The following DLGAP2 variants were observed in gnomAD, a reference collection of about 807,000 sequenced individuals.
The protein encoded by DLGAP2 is disks large-associated protein 2.
DLGAP2 carries 26 observed loss-of-function variants against 100.3 expected under a neutral mutation model. The ratio of observed to expected loss-of-function variants is 0.26; its 90% CI spans 0.19 to 0.36. The LOEUF (loss-of-function observed/expected upper bound fraction) is 0.36, where lower values mean the gene tolerates loss of function less well. Among genes scored for constraint, DLGAP2 ranks in the 10% least tolerant of loss-of-function variants. DLGAP2 has a pLI of 1.00. For synonymous variants in DLGAP2, 886 were observed against 630.1 expected (o/e 1.41, Z -6.08); for missense variants, 1,858 against 1,453.2 (o/e 1.28, Z -4.53).
intron 2 of DLGAP2, among the ~76,000 whole-genome samples, chr8:1,143,278 T>G (rs1004443027): frequency 2.0e-5 from 3 of 152,206 alleles, no homozygotes; most frequent in Non-Finnish European, 4.4e-5. Context: ...AATGACGCAC[T>G]GAAACATAGA....
chr8:767,358 T>C (rs1262223432), intron 1 of DLGAP2, among the ~76,000 whole-genome samples: 2 of 150,232 alleles, frequency 1.3e-5, no homozygotes, highest in African/African-American at 4.9e-5. Flanking sequence ...GTTTTTTTTT[T>C]TTTTTTTTTT....
intron 2 of DLGAP2, among the ~76,000 whole-genome samples, chr8:1,191,213 C>T (rs1394984478): frequency 1.4e-5 from 2 of 144,296 alleles, no homozygotes; most frequent in Non-Finnish European, 3.0e-5. Context: ...ACTCTGTCAC[C>T]CAGGCTGGAG....
At chr8:1,001,598 T>G (rs1436157720) in intron 2 of DLGAP2, among the ~76,000 whole-genome samples, 2 of 152,240 alleles carry the variant, frequency 1.3e-5, no homozygotes, top group African/African-American at 4.8e-5. Context: ...CGAATTGCTC[T>G]TAAGTGCAAA....
chr8:1,203,894 A>G (rs1797935259), intron 2 of DLGAP2, among the ~76,000 whole-genome samples: 1 of 149,866 alleles, frequency 6.7e-6, no homozygotes, highest in Non-Finnish European at 1.5e-5. Context: ...AAGTGCCTGT[A>G]TCAGGACTCA....
chr8:897,117 C>T (rs954465100), intron 1 of DLGAP2, among the ~76,000 whole-genome samples: 1 of 152,128 alleles, frequency 6.6e-6, no homozygotes, highest in Non-Finnish European at 1.5e-5. Context: ...GGGGGTTCAG[C>T]AGCAGGTCTC....
At chr8:1,151,715 G>A (rs180737062) in intron 2 of DLGAP2, among the ~76,000 whole-genome samples, 243 of 152,308 alleles carry the variant, frequency 1.6e-3, no homozygotes, top group Admixed American at 3.9e-3. Context: ...CAAAGAGGCC[G>A]ATTGTCAGGT....
At chr8:1,688,381 C>G (rs770726357) in intron 12 of DLGAP2, 1 of 152,232 alleles carries the variant, frequency 6.6e-6, no homozygotes, top group Non-Finnish European at 1.5e-5. Flanking sequence ...AGAAACAATG[C>G]CAAAGTGTTA....
At chr8:1,159,478 C>G (rs865906334) in intron 2 of DLGAP2, among the ~76,000 whole-genome samples, 2 of 152,176 alleles carry the variant, frequency 1.3e-5, no homozygotes, top group Non-Finnish European at 2.9e-5. Context: ...GAGTTCCTTA[C>G]GTATGGAGCA....
At chr8:1,100,224 A>C (rs1304483420) in intron 2 of DLGAP2, among the ~76,000 whole-genome samples, 2 of 150,144 alleles carry the variant, frequency 1.3e-5, no homozygotes, top group African/African-American at 4.9e-5. Flanking sequence ...TGTAGGGAAA[A>C]CCTTTGTCCA....
chr8:1,322,026 A>G (rs1424151301), intron 3 of DLGAP2, among the ~76,000 whole-genome samples: 1 of 152,156 alleles, frequency 6.6e-6, no homozygotes, highest in Non-Finnish European at 1.5e-5. Context: ...ATCTTTTGTA[A>G]TCTCCAATGG....
chr8:838,663 CTA>C (rs530010423), intron 1 of DLGAP2, among the ~76,000 whole-genome samples: 4 of 152,032 alleles, frequency 2.6e-5, no homozygotes, highest in Admixed American at 6.5e-5. Flanking sequence ...TTACTCCTGA[CTA>C]TATTGTCATG....
intron 2 of DLGAP2, among the ~76,000 whole-genome samples, chr8:1,169,901 T>C (rs151013642): frequency 6.6e-5 from 10 of 152,000 alleles, no homozygotes; most frequent in African/African-American, 1.2e-4. Flanking sequence ...TTGCCCTGGC[T>C]AGAACTTCCA....
chr8:1,120,206 C>G (rs13272049), intron 2 of DLGAP2, among the ~76,000 whole-genome samples: 1 of 151,954 alleles, frequency 6.6e-6, no homozygotes, highest in Non-Finnish European at 1.5e-5. Context: ...AGGAAGAGAG[C>G]CATCCTCCAT....
At chr8:1,117,283 G>T (rs911427050) in intron 2 of DLGAP2, among the ~76,000 whole-genome samples, 1 of 152,332 alleles carries the variant, frequency 6.6e-6, no homozygotes, top group East Asian at 1.9e-4. Flanking sequence ...ACCCTGGGCA[G>T]GTGTGCAGAC....
intron 2 of DLGAP2, among the ~76,000 whole-genome samples, chr8:1,001,617 A>C (rs1383802573): frequency 1.3e-5 from 2 of 152,230 alleles, no homozygotes; most frequent in Non-Finnish European, 2.9e-5. Flanking sequence ...AAACAGAGGT[A>C]ATATTTTAGA....
chr8:831,210 T>G (rs1796776633), intron 1 of DLGAP2, among the ~76,000 whole-genome samples: 1 of 66,168 alleles, frequency 1.5e-5, no homozygotes, highest in African/African-American at 8.9e-5. Context: ...GCAGTCACTT[T>G]TTTTTTTTTT....
intron 2 of DLGAP2, among the ~76,000 whole-genome samples, chr8:970,527 C>T (rs907998470): frequency 6.6e-6 from 1 of 152,160 alleles, no homozygotes; most frequent in African/African-American, 2.4e-5. Flanking sequence ...AGGAATAGAA[C>T]AGGCCTGTTT....
chr8:1,388,098 AGGC>A (rs1796260336), intron 3 of DLGAP2, among the ~76,000 whole-genome samples: 1 of 151,346 alleles, frequency 6.6e-6, no homozygotes, highest in African/African-American at 2.4e-5. Context: ...GTGAGAGCAG[AGGC>A]CGTGGATGGG....
chr8:1,700,459 C>T (rs1023849758), intron 14 of DLGAP2, among the ~76,000 whole-genome samples: 2 of 151,856 alleles, frequency 1.3e-5, no homozygotes, highest in African/African-American at 2.4e-5. Context: ...CAATGTGAAT[C>T]GCAGAGTTAG....
Sources: allele counts gnomAD v4.1 joint callset (sites outside exome capture counted in the v4.1 genomes callset), GRCh38; gene constraint gnomAD v4.1.1; transcripts MANE v1.5; gene names NCBI Gene and HGNC (gene_info 2026-07-23, HGNC 2026-07-21).